The following XYLB variants were observed in gnomAD, a reference collection of about 807,000 sequenced individuals.
XYLB encodes xylulose kinase.
In XYLB, 62 loss-of-function variants were observed where a neutral mutation model predicts 78.7. The observed-to-expected ratio is 0.79, with a 90% CI of 0.64 to 0.97. The LOEUF is 0.97. XYLB is among the 50% of genes least tolerant of loss of function. XYLB has a pLI of 0.00. For missense variants in XYLB, 687 were observed against 676.8 expected (o/e 1.02, Z -0.17); for synonymous variants, 245 against 247.4 (o/e 0.99, Z 0.09).
chr3:38,352,422 G>T (rs1705415295), intron 2 of XYLB, among the ~76,000 whole-genome samples: 1 of 152,204 alleles, frequency 6.6e-6, no homozygotes, highest in Admixed American at 6.5e-5. Flanking sequence ...AGTGAGTAAA[G>T]CAAAGTACAG....
chr3:38,358,044 C>A (rs1021047660), intron 2 of XYLB, among the ~76,000 whole-genome samples: 2 of 151,032 alleles, frequency 1.3e-5, no homozygotes, highest in African/African-American at 4.9e-5. Context: ...TTGATAAAGT[C>A]TAATCTTCCT....
At chr3:38,435,475 G>A in the XYLB span, among the ~76,000 whole-genome samples, 2 of 152,144 alleles carry the variant, frequency 1.3e-5, no homozygotes, top group African/African-American at 4.8e-5. Context: ...TAGAGAGATA[G>A]CCTGCAATAC....
intron 14 of XYLB, 99 bp downstream of exon 14, chr3:38,377,090 C>A: frequency 9.6e-7 from 1 of 1,046,530 alleles, no homozygotes; most frequent in Non-Finnish European, 1.5e-6. Flanking sequence ...GGACTTCATT[C>A]ATTCACTCAT....
intron 16 of XYLB, among the ~76,000 whole-genome samples, chr3:38,396,583 C>A (rs547386879): frequency 6.6e-6 from 1 of 152,318 alleles, no homozygotes; most frequent in Non-Finnish European, 1.5e-5. Context: ...CTCTGGTCAA[C>A]TAAGACCTCC....
At chr3:38,349,533 T>C (rs1705244584) in intron 2 of XYLB, among the ~76,000 whole-genome samples, 3 of 152,222 alleles carry the variant, frequency 2.0e-5, no homozygotes, top group Non-Finnish European at 4.4e-5. Context: ...AGCTGAGTAG[T>C]AAAATGGACA....
chr3:38,351,936 G>T (rs1705387755), intron 2 of XYLB, among the ~76,000 whole-genome samples: 1 of 152,156 alleles, frequency 6.6e-6, no homozygotes, highest in Non-Finnish European at 1.5e-5. Context: ...GGGATATTGG[G>T]GTTGTTTCTC....
At chr3:38,366,786 A>G in intron 6 of XYLB, 22 bp from the exon 7 acceptor site, 1 of 1,587,404 alleles carries the variant, frequency 6.3e-7, no homozygotes. Flanking sequence ...TGGGTTCCTA[A>G]GAATTTATAT....
the XYLB span, among the ~76,000 whole-genome samples, chr3:38,435,152 A>G: frequency 6.6e-6 from 1 of 152,198 alleles, no homozygotes; most frequent in Non-Finnish European, 1.5e-5. Context: ...GATTTTTTTA[A>G]AAAGATGATC....
chr3:38,447,103 G>C, the XYLB span, among the ~76,000 whole-genome samples: 1 of 152,132 alleles, frequency 6.6e-6, no homozygotes, highest in African/African-American at 2.4e-5. Flanking sequence ...CCATTAAAAA[G>C]TAGACAAAGG....
the XYLB span, among the ~76,000 whole-genome samples, chr3:38,430,309 T>C: frequency 2.0e-5 from 3 of 152,242 alleles, no homozygotes; most frequent in Non-Finnish European, 4.4e-5. Flanking sequence ...TGACCAGTGA[T>C]GATGAGCATT....
chr3:38,366,581 C>G (rs934424011), intron 6 of XYLB, among the ~76,000 whole-genome samples: 6 of 152,336 alleles, frequency 3.9e-5, no homozygotes, highest in Admixed American at 2.0e-4. Flanking sequence ...CGAGGTCTCA[C>G]TGTGTTGCCC....
At chr3:38,382,499 C>T (rs953556551) in intron 15 of XYLB, among the ~76,000 whole-genome samples, 2 of 152,068 alleles carry the variant, frequency 1.3e-5, no homozygotes, top group African/African-American at 2.4e-5. Flanking sequence ...GATGTGTGTT[C>T]TAGGTCAATA....
rs1708707536 is a variant in XYLB at position 38,414,081 on chromosome 3, T to C, written c.*1068T>C. 1 of 152,228 alleles carries C rather than the reference T, an allele frequency of 6.6e-6. No individual in the cohort carries two copies. Among genetic ancestry groups the C allele is most frequent in the African/African-American group, 2.4e-5 (1 of 41,450 alleles). 9.4% of individuals were successfully genotyped at this position (152,228 alleles called of 1,614,324 possible). On this transcript the variant is annotated 3_prime_UTR_variant, in exon 19 of 19. Coordinates refer to ENST00000207870, the MANE Select transcript of XYLB (RefSeq NM_005108.4). Reference sequence around the variant, plus strand: ...AGCCTCTATAGAAAGTCCTCTGTGATCTGACTCCTGCAGACTCTTCCAGAT... The same window carrying C: ...AGCCTCTATAGAAAGTCCTCTGTGACCTGACTCCTGCAGACTCTTCCAGAT...
chr3:38,364,037 G>A (rs1457366258), intron 4 of XYLB, among the ~76,000 whole-genome samples: 1 of 152,078 alleles, frequency 6.6e-6, no homozygotes, highest in Non-Finnish European at 1.5e-5. Context: ...TCCCAGGCCT[G>A]GACACCCATC....
rs56266064 is a variant in XYLB, at chr3:38,398,712, C to CTTT, written c.1438+1565_1438+1567dup. On this transcript the variant is annotated intron_variant, in intron 17 of 18. Coordinates refer to ENST00000207870, the MANE Select transcript of XYLB (RefSeq NM_005108.4). ...TTCCTTCCTCTGTTTGTTACTTTGTCTTTTTTTTTTTTTTAACTTCCTGAC... is the reference window on the plus strand; with the variant it reads ...TTCCTTCCTCTGTTTGTTACTTTGTCTTTTTTTTTTTTTTTTTAACTTCCTGAC... 3.0e-4 allele frequency among the ~76,000 whole-genome samples: 42 copies of CTTT among 141,954 alleles called. No individual in the cohort carries two copies. In the East Asian group the frequency reaches 8.1e-3, roughly 27 times the overall value. The allele number at this position is 141,954 out of a possible 152,430, so 93.1% of individuals were successfully genotyped here.
intron 18 of XYLB, 120 bp downstream of exon 18, chr3:38,401,105 G>A: frequency 1.2e-6 from 1 of 838,244 alleles, no homozygotes; most frequent in East Asian, 2.6e-5. Context: ...GAGAAATTCT[G>A]CTTTATTGAA....
At chr3:38,355,767 C>T (rs1364517303) in intron 2 of XYLB, 1 of 703,628 alleles carries the variant, frequency 1.4e-6, no homozygotes, top group East Asian at 2.7e-5. Flanking sequence ...ACATGTGGAA[C>T]ATGACAGAGC....
chr3:38,369,983 G>C, intron 8 of XYLB, 73 bp from the exon 9 acceptor site: 1 of 1,281,048 alleles, frequency 7.8e-7, no homozygotes, highest in South Asian at 1.2e-5. Flanking sequence ...TATCTGCTCT[G>C]TGCCAGATTT....
intron 18 of XYLB, among the ~76,000 whole-genome samples, chr3:38,412,208 C>G (rs1177146807): frequency 2.0e-5 from 3 of 152,102 alleles, no homozygotes; most frequent in South Asian, 4.2e-4. Context: ...TCAGGCTGGT[C>G]TCAAACTCCT....
Sources: gnomAD v4.1 joint callset for allele counts (sites outside exome capture counted in the v4.1 genomes callset) on GRCh38, gnomAD v4.1.1 for gene constraint, MANE v1.5 for transcripts, NCBI Gene and HGNC (gene_info 2026-07-23, HGNC 2026-07-21) for gene names.